ZC3H18: variants seen among roughly 807,000 people sequenced by gnomAD.
ZC3H18 encodes zinc finger CCCH-type containing 18.
In ZC3H18, 8 loss-of-function variants were observed where a neutral mutation model predicts 106.1. That is an observed-to-expected ratio of 0.08 (90% CI 0.04 to 0.14). The LOEUF is 0.14. ZC3H18 is among the 10% of genes least tolerant of loss of function. ZC3H18 has a pLI of 1.00. For synonymous variants in ZC3H18, 635 were observed against 522.1 expected (o/e 1.22, Z -2.95); for missense variants, 1,318 against 1,278.4 (o/e 1.03, Z -0.47).
chr16:88,584,037 C>A (rs549784590), intron 2 of ZC3H18, among the ~76,000 whole-genome samples: 1 of 152,244 alleles, frequency 6.6e-6, no homozygotes, highest in Admixed American at 6.5e-5. Flanking sequence ...AATTTAAGAA[C>A]TTGTTTTAAT....
At position 88,631,087 on chromosome 16, in the gene ZC3H18, C is replaced by G. The variant is rs1275968226; in HGVS notation, c.2664-14C>G. On this transcript the variant is annotated splice_polypyrimidine_tract_variant and intron_variant, in intron 17 of 17. Transcript: ENST00000301011. ...GGCTTCTGGGGGCTCAAGGTCTTCC[C>G]CACCCCCTTGTAGGAAGCGCCAGCT... 6.8e-6 allele frequency: 11 copies of G among 1,610,996 alleles called. No individual in the cohort carries two copies. The highest frequency in any genetic ancestry group is 8.5e-6 in the Non-Finnish European group (10 of 1,179,978).
chr16:88,628,643 G>A (rs1906468024), intron 15 of ZC3H18, 115 bp from the exon 16 acceptor site: 2 of 1,124,488 alleles, frequency 1.8e-6, no homozygotes, highest in East Asian at 2.4e-5. Flanking sequence ...TGGGTGTGTG[G>A]TGGGACCTTT....
intron 6 of ZC3H18, among the ~76,000 whole-genome samples, chr16:88,603,392 G>A (rs899619117): frequency 1.6e-4 from 24 of 151,632 alleles, no homozygotes; most frequent in African/African-American, 4.6e-4. Context: ...AGGCCAAAGC[G>A]GACGGATTGC....
At chr16:88,598,828 G>A (rs1161717593) in intron 5 of ZC3H18, 116 bp downstream of exon 5, 5 of 870,770 alleles carry the variant, frequency 5.7e-6, no homozygotes, top group South Asian at 1.7e-5. Flanking sequence ...GAAGTTAGGC[G>A]TCTGTTTCTG....
In ZC3H18 at chr16:88,570,524, G is replaced by T; in HGVS notation, c.-57G>T. ...AGGGACGTCTTCTCCACGCCGCTCC[G>T]ACTCCAGGGGAGCCGTGGCCTCCTC... is the stretch of plus-strand genomic sequence containing the variant. On this transcript the variant is annotated 5_prime_UTR_variant, in exon 1 of 18. Coordinates refer to ENST00000301011, the MANE Select transcript of ZC3H18 (RefSeq NM_144604.4). 6.6e-6 allele frequency: 1 copy of T among 152,040 alleles called. No individual in the cohort carries two copies. The highest frequency in any genetic ancestry group is 2.0e-4 in the South Asian group (1 of 4,904). The allele number at this position is 152,040 out of a possible 1,614,324, so 9.4% of individuals were successfully genotyped here. A position where few individuals can be genotyped will look rare whatever the true frequency, so the allele number is the denominator to read the frequency against.
intron 2 of ZC3H18, among the ~76,000 whole-genome samples, chr16:88,583,359 C>T (rs929315701): frequency 1.3e-5 from 2 of 152,242 alleles, no homozygotes; most frequent in Non-Finnish European, 1.5e-5. Context: ...AGGACTCAGG[C>T]GCGCTTGCTG....
chr16:88,582,131 TA>T (rs1399531373), intron 2 of ZC3H18, among the ~76,000 whole-genome samples: 2 of 152,058 alleles, frequency 1.3e-5, no homozygotes, highest in Non-Finnish European at 2.9e-5. Context: ...TCATAATTGG[TA>T]GCTCTCAGTC....
chr16:88,596,719 A>AT (rs1355512899), intron 3 of ZC3H18, among the ~76,000 whole-genome samples: 3 of 152,230 alleles, frequency 2.0e-5, no homozygotes, highest in Admixed American at 2.0e-4. Flanking sequence ...GTACTTGGAC[A>AT]TTTTTTACAA....
At chr16:88,624,176 T>G in intron 11 of ZC3H18, 114 bp downstream of exon 11, 1 of 1,440,252 alleles carries the variant, frequency 6.9e-7, no homozygotes, top group Non-Finnish European at 9.4e-7. Context: ...TGAGGATGCC[T>G]CAGGGGGCTG....
At chr16:88,616,893 CA>C in intron 8 of ZC3H18, among the ~76,000 whole-genome samples, 1 of 152,160 alleles carries the variant, frequency 6.6e-6, no homozygotes, top group Non-Finnish European at 1.5e-5. Flanking sequence ...TAGTGAAGCG[CA>C]GTCACTTTTG....
At position 88,631,179 on chromosome 16, in the gene ZC3H18, CGCCAGCACCAAATCAGGGAAG is replaced by C; in HGVS notation, c.2751_2771del (p.Lys918_Thr924del). On this transcript the variant is annotated inframe_deletion, in exon 18 of 18. Coordinates refer to ENST00000301011, the MANE Select transcript of ZC3H18 (RefSeq NM_144604.4). ...CCGGCAAAGCCTCGGATCCCGGCGC[CGCCAGCACCAAATCAGGGAAG>C]GCCAGCACGCTGTCTCGGCGGGAGG... 1.2e-6 allele frequency: 2 copies of C among 1,613,720 alleles called. No individual in the cohort carries two copies. The highest frequency in any genetic ancestry group is 1.7e-6 in the Non-Finnish European group (2 of 1,180,026).
intron 2 of ZC3H18, among the ~76,000 whole-genome samples, chr16:88,581,863 G>A (rs1915152479): frequency 6.6e-6 from 1 of 152,346 alleles, no homozygotes. Flanking sequence ...GCTCTGATTT[G>A]CCGTTACAGT....
At chr16:88,618,695 T>G (rs1297361391) in intron 8 of ZC3H18, among the ~76,000 whole-genome samples, 1 of 152,192 alleles carries the variant, frequency 6.6e-6, no homozygotes, top group African/African-American at 2.4e-5. Flanking sequence ...GAGTCTCCTG[T>G]GGCCTTCAAC....
Position 88,586,624 on chromosome 16 carries a change from G to C in ZC3H18, c.628G>C (p.Val210Leu). Reference protein sequence around the residue: ...IDDDDLEEGEVKDPSDRKVRP... With the variant: ...IDDDDLEEGELKDPSDRKVRP... ...GGATGATGACCTGGAAGAAGGTGAA[G>C]TGAAGGACCCCAGTGACAGGAAGGT... Residue 210 changes from valine to leucine, a missense_variant, in exon 3 of 18, where the codon GTG (valine) becomes CTG (leucine). Physicochemically the swap from Val to Leu is conservative, Grantham distance 32. Coordinates refer to ENST00000301011, the MANE Select transcript of ZC3H18 (RefSeq NM_144604.4). 2.5e-6 allele frequency: 4 copies of C among 1,614,210 alleles called. No individual in the cohort carries two copies. Among genetic ancestry groups the C allele is most frequent in the Non-Finnish European group, 3.4e-6 (4 of 1,180,020 alleles).
At chr16:88,575,592 G>A (rs1914698162) in intron 1 of ZC3H18, among the ~76,000 whole-genome samples, 2 of 152,074 alleles carry the variant, frequency 1.3e-5, no homozygotes, top group African/African-American at 4.8e-5. Context: ...CACTTTTAAA[G>A]CATGGGTAGC....
In ZC3H18 at chr16:88,599,818, G is replaced by A. The variant is rs1904650177; in HGVS notation, c.958G>A (p.Glu320Lys). The A allele has an allele frequency of 2.4e-5, 39 of 1,613,840 alleles. No individual in the cohort carries two copies. Among genetic ancestry groups the A allele is most frequent in the Non-Finnish European group, 3.3e-5 (39 of 1,179,956 alleles). ...EVLKKATIRKEQEPDFEEKRF... is the reference protein window; with the variant it reads ...EVLKKATIRKKQEPDFEEKRF... Reference sequence around the variant, plus strand: ...TTTAAAAAAAGCAACTATTCGAAAAGAACAGGAGCCTGATTTTGAAGAGAA... The same window carrying A: ...TTTAAAAAAAGCAACTATTCGAAAAAAACAGGAGCCTGATTTTGAAGAGAA... Residue 320 changes from glutamate (E) to lysine (K), a missense_variant, in exon 6 of 18, where the codon GAA (glutamate) becomes AAA (lysine). Around this residue, in one of 6 missense-constraint regions of ZC3H18, gnomAD observed 848 missense variants for 821.7 expected, o/e 1.03. Transcript: ENST00000301011.
intron 1 of ZC3H18, among the ~76,000 whole-genome samples, chr16:88,576,492 T>C (rs1377911023): frequency 6.6e-6 from 1 of 152,096 alleles, no homozygotes; most frequent in Admixed American, 6.6e-5. Context: ...CGACACCTGC[T>C]GGAGGGGCCA....
chr16:88,602,654 GTTATT>G (rs1482495878), intron 6 of ZC3H18, among the ~76,000 whole-genome samples: 2 of 152,198 alleles, frequency 1.3e-5, no homozygotes, highest in Non-Finnish European at 2.9e-5. Flanking sequence ...AAGATACCAT[GTTATT>G]TTATTTCCTA....
chr16:88,591,294 T>TGGCC (rs1915737854), intron 3 of ZC3H18, among the ~76,000 whole-genome samples: 1 of 151,146 alleles, frequency 6.6e-6, no homozygotes, highest in Non-Finnish European at 1.5e-5. Context: ...GACTGAATAA[T>TGGCC]AGGTGCGGTG....
Sources: gnomAD v4.1 joint callset for allele counts (sites outside exome capture counted in the v4.1 genomes callset) on GRCh38, gnomAD v4.1.1 for gene constraint, gnomAD v4.1.1 regional missense constraint, MANE v1.5 for transcripts, NCBI Gene and HGNC (gene_info 2026-07-23, HGNC 2026-07-21) for gene names.